Variants in SHC4 observed in about 807,000 individuals in gnomAD.
SHC4 encodes SHC adaptor protein 4.
In SHC4, 41 loss-of-function variants were observed where a neutral mutation model predicts 69.4. The observed-to-expected ratio is 0.59, with a 90% CI of 0.46 to 0.77. The LOEUF (loss-of-function observed/expected upper bound fraction) is 0.77. Among genes scored for constraint, SHC4 ranks in the 30% least tolerant of loss-of-function variants. The probability of loss-of-function intolerance (pLI) is 0.00; values close to 1 mark genes in which losing one functional copy is unlikely to be tolerated. For missense variants in SHC4, 777 were observed against 783.8 expected, an observed-to-expected ratio of 0.99 and a Z score of 0.10; for synonymous variants, 318 against 299.3, an observed-to-expected ratio of 1.06 and a Z score of -0.64.
At chr15:48,827,404 T>C (rs972156413) in intron 11 of SHC4, among the ~76,000 whole-genome samples, 2 of 152,224 alleles carry the variant, frequency 1.3e-5, no homozygotes, top group Admixed American at 6.5e-5. Flanking sequence ...GAGGACACAA[T>C]GGCACCAATT....
chr15:48,948,861 G>A (rs1901320031), intron 1 of SHC4, among the ~76,000 whole-genome samples: 1 of 151,770 alleles, frequency 6.6e-6, no homozygotes, highest in Non-Finnish European at 1.5e-5. Flanking sequence ...AGCCGTGATT[G>A]CACCACTGTA....
chr15:48,925,064 A>G (rs1900828059), intron 1 of SHC4, 115 bp from the exon 2 acceptor site: 14 of 986,074 alleles, frequency 1.4e-5, no homozygotes, highest in Non-Finnish European at 2.0e-5. Context: ...ATCAAGTTAC[A>G]TTTGCACCCT....
rs1423339834 is a variant in SHC4 at position 48,884,345 on chromosome 15, G to A, written c.743C>T (p.Thr248Ile). The A allele has an allele frequency of 1.9e-6, 3 of 1,606,576 alleles. No individual in the cohort carries two copies. Among genetic ancestry groups the A allele is most frequent in the Non-Finnish European group, 2.5e-6 (3 of 1,177,614 alleles). The change falls in exon 4 of 12, where the codon ACA becomes ATA. Residue 248 changes from threonine to isoleucine, a missense_variant. Coordinates refer to ENST00000332408, the MANE Select transcript of SHC4 (RefSeq NM_203349.4). ...KRKPPVKFLS[T>I]VLGKSNLQFS... is the part of the protein sequence containing the mutation. ...CTGAAGATTACTTTTGCCAAGGACT[G>A]TTGATAGGAACTTAACTGGAGGCTT...
At chr15:48,887,731 C>T (rs1034076484) in intron 3 of SHC4, among the ~76,000 whole-genome samples, 5 of 151,892 alleles carry the variant, frequency 3.3e-5, no homozygotes, top group Admixed American at 6.6e-5. Flanking sequence ...CCCAAAAGAT[C>T]GACAAAACTG....
At chr15:48,841,519 G>T (rs1319840464) in intron 10 of SHC4, among the ~76,000 whole-genome samples, 1 of 152,222 alleles carries the variant, frequency 6.6e-6, no homozygotes, top group Non-Finnish European at 1.5e-5. Context: ...TGCCTCAGCT[G>T]CCCAGGGTTT....
At chr15:48,854,895 G>T (rs1278516405) in intron 8 of SHC4, among the ~76,000 whole-genome samples, 1 of 152,142 alleles carries the variant, frequency 6.6e-6, no homozygotes, top group African/African-American at 2.4e-5. Context: ...GGGATCATTT[G>T]TATCTCAAAC....
chr15:48,918,220 C>G (rs1393501581), intron 2 of SHC4, among the ~76,000 whole-genome samples: 1 of 152,208 alleles, frequency 6.6e-6, no homozygotes, highest in Non-Finnish European at 1.5e-5. Flanking sequence ...CCCTCCCACC[C>G]AACTCCCCCA....
Position 48,963,208 on chromosome 15 carries a change from C to G in SHC4, c.-193G>C, listed in dbSNP as rs1901577514. 1.7e-6 allele frequency: 1 copy of G among 585,804 alleles called. No homozygotes were observed. Among genetic ancestry groups the G allele is most frequent in the Admixed American group, 3.4e-5 (1 of 29,044 alleles). The allele number at this position is 585,804 out of a possible 1,614,324, so 36.3% of individuals were successfully genotyped here. Reference sequence around the variant, plus strand: ...ACAGCCCATGGGGGAAACGCCTCCCCTGCTCTGATTTCAGTCTCTCCCTGG... The same window carrying G: ...ACAGCCCATGGGGGAAACGCCTCCCGTGCTCTGATTTCAGTCTCTCCCTGG... On this transcript the variant is annotated 5_prime_UTR_variant, in exon 1 of 12. Coordinates refer to ENST00000332408, the MANE Select transcript of SHC4 (RefSeq NM_203349.4).
At chr15:48,925,887 A>T (rs1394379503) in intron 1 of SHC4, among the ~76,000 whole-genome samples, 1 of 152,222 alleles carries the variant, frequency 6.6e-6, no homozygotes, top group East Asian at 1.9e-4. Context: ...AAGTGACATC[A>T]TGGAAACAGA....
intron 1 of SHC4, among the ~76,000 whole-genome samples, chr15:48,941,004 C>T (rs1386753299): frequency 2.0e-5 from 3 of 152,180 alleles, no homozygotes; most frequent in African/African-American, 4.8e-5. Context: ...TGAATTCTGA[C>T]TCCTGATAAT....
intron 6 of SHC4, among the ~76,000 whole-genome samples, chr15:48,862,414 T>TA (rs1023226997): frequency 2.3e-4 from 35 of 152,318 alleles, no homozygotes; most frequent in African/African-American, 7.9e-4. Flanking sequence ...AAAACATTCT[T>TA]ACTGGAACTT....
chr15:48,958,515 G>A (rs1347596467), intron 1 of SHC4, among the ~76,000 whole-genome samples: 1 of 152,192 alleles, frequency 6.6e-6, no homozygotes, highest in African/African-American at 2.4e-5. Flanking sequence ...AGCTCGTCAA[G>A]GTTGGTTTCT....
intron 7 of SHC4, among the ~76,000 whole-genome samples, chr15:48,856,599 G>C (rs1168323133): frequency 1.3e-5 from 2 of 152,142 alleles, no homozygotes; most frequent in Admixed American, 1.3e-4. Context: ...GCTATGGCCA[G>C]CTATCTTGTC....
intron 3 of SHC4, among the ~76,000 whole-genome samples, chr15:48,890,162 T>C (rs1398642376): frequency 6.6e-6 from 1 of 152,200 alleles, no homozygotes; most frequent in Non-Finnish European, 1.5e-5. Context: ...AAGTAACTTG[T>C]CCAAGAGTAC....
chr15:48,837,071 T>G (rs577975128), intron 10 of SHC4, among the ~76,000 whole-genome samples: 3 of 152,218 alleles, frequency 2.0e-5, no homozygotes, highest in Non-Finnish European at 2.9e-5. Context: ...GTGGGAGGAA[T>G]GCATGCACGC....
chr15:48,847,148 G>A (rs1899109724), intron 9 of SHC4, among the ~76,000 whole-genome samples: 1 of 151,916 alleles, frequency 6.6e-6, no homozygotes, highest in South Asian at 2.1e-4. Context: ...GTTGACGAGG[G>A]CTTAGACACA....
chr15:48,948,177 T>A (rs939156903), intron 1 of SHC4: 1 of 152,230 alleles, frequency 6.6e-6, no homozygotes, highest in Admixed American at 6.5e-5. Context: ...TCATTTTCCC[T>A]GAACAGAAAC....
At chr15:48,878,019 C>T (rs1453530558) in intron 4 of SHC4, 4 of 917,980 alleles carry the variant, frequency 4.4e-6, no homozygotes, top group Non-Finnish European at 4.8e-6. Context: ...TGAGCTACTC[C>T]AACCACAGTG....
In SHC4 at chr15:48,826,354, C is replaced by A. The variant is rs528938499; in HGVS notation, c.1738-228G>T. 4.2e-4 allele frequency among the ~76,000 whole-genome samples: 64 copies of A among 151,592 alleles called. 1 individual carries two copies. The highest frequency in any genetic ancestry group is 1.5e-3 in the African/African-American group (61 of 41,308). Reference sequence around the variant, plus strand: ...GCAACCTCCACCTCCTGGGTTCACGCAATTCTAGTGCTTCAGCCCGAGTAA... The same window carrying A: ...GCAACCTCCACCTCCTGGGTTCACGAAATTCTAGTGCTTCAGCCCGAGTAA... On this transcript the variant is annotated intron_variant, in intron 11 of 11. Coordinates refer to ENST00000332408, the MANE Select transcript of SHC4 (RefSeq NM_203349.4).
Sources: allele counts gnomAD v4.1 joint callset (sites outside exome capture counted in the v4.1 genomes callset), GRCh38; gene constraint gnomAD v4.1.1; transcripts MANE v1.5; gene names NCBI Gene and HGNC (gene_info 2026-07-23, HGNC 2026-07-21).